USP34: variants seen among roughly 807,000 people sequenced by gnomAD.
USP34 encodes the protein ubiquitin carboxyl-terminal hydrolase 34.
In USP34, 70 loss-of-function variants were observed where a neutral mutation model predicts 460.3. The ratio of observed to expected loss-of-function variants is 0.15; its 90% CI spans 0.13 to 0.19. USP34 has a LOEUF of 0.19. Ranked by LOEUF, USP34 falls within the 10% of genes least tolerant of loss-of-function variation. The pLI is 1.00. For missense variants in USP34, 3,985 were observed against 4,236.2 expected (o/e 0.94, Z 1.65); for synonymous variants, 1,647 against 1,405.3 (o/e 1.17, Z -3.85).
At chr2:61,269,352 G>A (rs1484339746) in intron 41 of USP34, among the ~76,000 whole-genome samples, 2 of 143,416 alleles carry the variant, frequency 1.4e-5, no homozygotes, top group African/African-American at 5.2e-5. Flanking sequence ...TTTTAATAGA[G>A]ACAGGGTTTC....
chr2:61,201,087 GTTAAAA>G (rs1488312349), intron 75 of USP34, among the ~76,000 whole-genome samples: 1 of 151,718 alleles, frequency 6.6e-6, no homozygotes, highest in African/African-American at 2.4e-5. Flanking sequence ...ATTTATTTTG[GTTAAAA>G]TTAAAGTAAA....
chr2:61,356,481 A>G (rs201144364), intron 10 of USP34, among the ~76,000 whole-genome samples: 22,234 of 140,574 alleles, frequency 0.16, 2,176 homozygotes, highest in South Asian at 0.4. Flanking sequence ...AAGCGCACAC[A>G]CACACACACA....
At position 61,370,597 on chromosome 2, in the gene USP34, A is replaced by C; in HGVS notation, c.1077-18T>G. 1.9e-6 allele frequency: 3 copies of C among 1,601,820 alleles called. No individual in the cohort carries two copies. The highest frequency in any genetic ancestry group is 2.6e-6 in the Non-Finnish European group (3 of 1,176,192). On this transcript the variant is annotated intron_variant, in intron 8 of 79. Transcript: ENST00000398571. The stretch of plus-strand genomic sequence containing the variant: ...CAATGGACCTAAAGTCAAGCAATGA[A>C]AATAGTACATTAAAAAAAATTGTCA...
Position 61,403,992 on chromosome 2 carries a change from C to CAAAAAAA in USP34, c.552+1709_552+1715dup, listed in dbSNP as rs71405114. ...TGGGCGACAGATCAAGACTCTATCT[C>CAAAAAAA]AAAAAAAAAAAAAAAAAAAAAAAAA... On this transcript the variant is annotated intron_variant, in intron 3 of 79. Transcript: ENST00000398571. Among the ~76,000 whole-genome samples the CAAAAAAA allele has an allele frequency of 1.4e-4, 4 of 29,126 alleles. 1 individual carries two copies. The highest frequency in any genetic ancestry group is 2.2e-4 in the Non-Finnish European group (3 of 13,590). 19.1% of individuals were successfully genotyped at this position (29,126 alleles called of 152,430 possible).
intron 1 of USP34, among the ~76,000 whole-genome samples, chr2:61,433,615 C>T (rs1694736738): frequency 6.6e-6 from 1 of 152,110 alleles, no homozygotes; most frequent in Non-Finnish European, 1.5e-5. Context: ...GCCTGGGCAA[C>T]AGAGTAAGAC....
intron 41 of USP34, among the ~76,000 whole-genome samples, chr2:61,274,065 A>G (rs1163670167): frequency 1.3e-5 from 2 of 151,560 alleles, no homozygotes; most frequent in Non-Finnish European, 2.9e-5. Context: ...AGATCAATAC[A>G]CCTGACTACA....
intron 5 of USP34, among the ~76,000 whole-genome samples, chr2:61,393,429 TAAA>T (rs33954205): frequency 2.3e-5 from 3 of 129,860 alleles, no homozygotes; most frequent in Admixed American, 7.8e-5. Context: ...AGACTCCGTC[TAAA>T]AAAAAAAAAA....
rs753518855 is a variant in USP34, at chr2:61,188,389, C to T, written c.10354G>A (p.Asp3452Asn). ...GTAGAATCCTTGGAACAGTGGAGGT[C>T]TTTAAATTCTTTACAATCGTCATAT... ...GRYDDCKEFK[D>N]LHCSKDSTLA... Residue 3452 changes from aspartate to asparagine, a missense_variant, in exon 80 of 80, where the codon GAC becomes AAC. Asp to Asn is a conservative substitution (Grantham distance 23, BLOSUM62 1). Around this residue, in one of 14 missense-constraint regions of USP34, gnomAD observed 506 missense variants for 439.0 expected, o/e 1.15. Transcript: ENST00000398571. The T allele has an allele frequency of 6.2e-7, 1 of 1,614,118 alleles. No homozygotes were observed. Among genetic ancestry groups the T allele is most frequent in the East Asian group, 2.2e-5 (1 of 44,888 alleles).
At chr2:61,345,238 C>T (rs1225480992) in intron 15 of USP34, among the ~76,000 whole-genome samples, 1 of 151,460 alleles carries the variant, frequency 6.6e-6, no homozygotes, top group Non-Finnish European at 1.5e-5. Flanking sequence ...CGTGCCACTG[C>T]ACTCCAGCCT....
chr2:61,346,813 CAG>C (rs1373391866), intron 15 of USP34, among the ~76,000 whole-genome samples: 1 of 111,226 alleles, frequency 9.0e-6, no homozygotes, highest in Non-Finnish European at 1.7e-5. Flanking sequence ...GCCTGGGTGA[CAG>C]AGTGAGATTC....
chr2:61,395,301 TAA>T (rs1193842121), intron 3 of USP34, 68 bp from the exon 4 acceptor site: 2 of 967,322 alleles, frequency 2.1e-6, no homozygotes, highest in Admixed American at 2.5e-5. Flanking sequence ...TACAATTCTA[TAA>T]AAGACTGATT....
At chr2:61,282,885 CT>C (rs970455562) in intron 37 of USP34, among the ~76,000 whole-genome samples, 3 of 151,724 alleles carry the variant, frequency 2.0e-5, no homozygotes, top group Admixed American at 6.6e-5. Flanking sequence ...CCTGGAAAAA[CT>C]TTTTTTTATT....
chr2:61,224,048 C>G (rs1211336007), intron 62 of USP34, among the ~76,000 whole-genome samples: 1 of 152,108 alleles, frequency 6.6e-6, no homozygotes, highest in African/African-American at 2.4e-5. Context: ...AAAACAACCA[C>G]GGTACCATTA....
At chr2:61,221,977 T>C (rs1687601894) in intron 65 of USP34, 1 of 159,278 alleles carries the variant, frequency 6.3e-6, no homozygotes, top group African/African-American at 2.4e-5. Flanking sequence ...CACACACTTA[T>C]TTTTTGTCAG....
intron 49 of USP34, among the ~76,000 whole-genome samples, chr2:61,248,185 CA>C (rs11339335): frequency 0.32 from 22,370 of 69,606 alleles, 1,609 homozygotes; most frequent in East Asian, 0.39. Context: ...CTCAGAAGAC[CA>C]AAAAAAAAAA....
At chr2:61,227,556 C>T (rs560414756) in intron 61 of USP34, among the ~76,000 whole-genome samples, 1 of 151,926 alleles carries the variant, frequency 6.6e-6, no homozygotes, top group Non-Finnish European at 1.5e-5. Context: ...ACTAAAAATA[C>T]AAAAATTAGC....
intron 2 of USP34, among the ~76,000 whole-genome samples, chr2:61,415,235 A>G (rs1452253796): frequency 6.6e-6 from 1 of 152,172 alleles, no homozygotes; most frequent in African/African-American, 2.4e-5. Flanking sequence ...TCTAGAAAGT[A>G]ATCAATACTC....
chr2:61,269,757 T>C (rs1234260956), intron 41 of USP34, among the ~76,000 whole-genome samples: 1 of 152,140 alleles, frequency 6.6e-6, no homozygotes, highest in African/African-American at 2.4e-5. Context: ...GATCAAAACC[T>C]TAAAAGGCTC....
intron 34 of USP34, among the ~76,000 whole-genome samples, chr2:61,287,220 C>G (rs1288930076): frequency 6.6e-6 from 1 of 152,136 alleles, no homozygotes; most frequent in African/African-American, 2.4e-5. Flanking sequence ...TACTTTCTAA[C>G]CTTATGTCCG....
Sources: gnomAD v4.1 joint callset for allele counts (sites outside exome capture counted in the v4.1 genomes callset) on GRCh38, gnomAD v4.1.1 for gene constraint, gnomAD v4.1.1 regional missense constraint, MANE v1.5 for transcripts, NCBI Gene and HGNC (gene_info 2026-07-23, HGNC 2026-07-21) for gene names.